CHODL: variants seen among roughly 807,000 people sequenced by gnomAD.
CHODL encodes the protein transmembrane protein MT75.
CHODL carries 29 observed loss-of-function variants against 34.5 expected under a neutral mutation model. That is an observed-to-expected ratio of 0.84 (90% CI 0.63 to 1.15). The LOEUF (loss-of-function observed/expected upper bound fraction) is 1.15, where lower values mean the gene tolerates loss of function less well. Ranked by LOEUF, CHODL falls within the 50% of genes most tolerant of loss-of-function variation. The pLI, the probability that CHODL is intolerant of heterozygous loss-of-function variation, is 0.00. For missense variants in CHODL, 332 were observed against 332.5 expected, an observed-to-expected ratio of 1.00 and a Z score of 0.01; for synonymous variants, 125 against 116.1, an observed-to-expected ratio of 1.08 and a Z score of -0.49.
chr21:17,946,275 C>T (rs1176837703), intron 1 of CHODL, among the ~76,000 whole-genome samples: 4 of 152,072 alleles, frequency 2.6e-5, no homozygotes, highest in Non-Finnish European at 4.4e-5. Context: ...AAAAATTAGC[C>T]AGGTGTGGTG....
chr21:18,151,096 AAAAAAAAAAG>A (rs1482018136), intron 2 of CHODL, among the ~76,000 whole-genome samples: 2 of 149,768 alleles, frequency 1.3e-5, no homozygotes, highest in Middle Eastern at 3.2e-3. Context: ...AAAAAAAAAA[AAAAAAAAAAG>A]AAAGAAATTC....
chr21:18,073,119 A>G (rs2064825214), intron 2 of CHODL, among the ~76,000 whole-genome samples: 1 of 152,102 alleles, frequency 6.6e-6, no homozygotes, highest in South Asian at 2.1e-4. Context: ...TCTCATTTAT[A>G]ATGACTTTAG....
chr21:18,043,197 C>T (rs1460086283), intron 2 of CHODL, among the ~76,000 whole-genome samples: 2 of 152,094 alleles, frequency 1.3e-5, no homozygotes, highest in East Asian at 3.9e-4. Flanking sequence ...AAACTCATTG[C>T]AGGGCTAGCC....
chr21:18,013,694 G>T (rs2064042953), intron 1 of CHODL, among the ~76,000 whole-genome samples: 1 of 132,736 alleles, frequency 7.5e-6, no homozygotes. Context: ...GAGTGCAGTG[G>T]TGTGATCTCG....
chr21:17,991,113 A>G (rs1436144070), intron 1 of CHODL, among the ~76,000 whole-genome samples: 5 of 152,054 alleles, frequency 3.3e-5, no homozygotes. Context: ...AGTTCTATCC[A>G]TGTTGCTACA....
chr21:18,224,314 A>C (rs7276648), intron 2 of CHODL, among the ~76,000 whole-genome samples: 124,991 of 152,114 alleles, frequency 0.82, 51,959 homozygotes, highest in African/African-American at 0.96. Flanking sequence ...GCTGGATGAC[A>C]CACTTTTAAT....
intron 2 of CHODL, among the ~76,000 whole-genome samples, chr21:18,236,193 A>G (rs186145004): frequency 6.6e-6 from 1 of 152,238 alleles, no homozygotes; most frequent in African/African-American, 2.4e-5. Context: ...AGGGCAGCAG[A>G]AAGAGAAGAA....
At chr21:18,199,758 C>T (rs1034075818) in intron 2 of CHODL, among the ~76,000 whole-genome samples, 2 of 152,104 alleles carry the variant, frequency 1.3e-5, no homozygotes, top group Non-Finnish European at 2.9e-5. Context: ...TTAAGTTTCT[C>T]CTACATCTCT....
At chr21:18,184,452 G>T (rs1476163959) in intron 2 of CHODL, among the ~76,000 whole-genome samples, 1 of 152,140 alleles carries the variant, frequency 6.6e-6, no homozygotes, top group Admixed American at 6.5e-5. Flanking sequence ...AGAATTAAAT[G>T]ATGATAGGAA....
chr21:17,951,184 G>C (rs748427205), intron 1 of CHODL, among the ~76,000 whole-genome samples: 2 of 151,358 alleles, frequency 1.3e-5, no homozygotes, highest in Non-Finnish European at 2.9e-5. Context: ...TACTTTGGTG[G>C]GGCCTTAGAA....
chr21:18,135,027 CTA>C (rs1479324399), intron 2 of CHODL, among the ~76,000 whole-genome samples: 1 of 152,184 alleles, frequency 6.6e-6, no homozygotes, highest in African/African-American at 2.4e-5. Flanking sequence ...ACTGATATGA[CTA>C]TGAAAAGTTT....
chr21:18,084,642 T>C (rs1344312627), intron 2 of CHODL, among the ~76,000 whole-genome samples: 3 of 152,208 alleles, frequency 2.0e-5, no homozygotes, highest in African/African-American at 4.8e-5. Flanking sequence ...TTTGATACAA[T>C]TTTGATTTTA....
chr21:18,221,383 AT>A (rs1293304265), intron 2 of CHODL, among the ~76,000 whole-genome samples: 1 of 151,718 alleles, frequency 6.6e-6, no homozygotes, highest in Non-Finnish European at 1.5e-5. Context: ...CATTTTATGG[AT>A]TTCCTTTTCT....
At chr21:18,220,320 C>A (rs1465546304) in intron 2 of CHODL, among the ~76,000 whole-genome samples, 1 of 152,082 alleles carries the variant, frequency 6.6e-6, no homozygotes, top group Non-Finnish European at 1.5e-5. Context: ...AAACTATTTA[C>A]ATTCAAACTT....
chr21:18,016,003 A>T (rs1265722895), intron 1 of CHODL, among the ~76,000 whole-genome samples: 1 of 152,208 alleles, frequency 6.6e-6, no homozygotes, highest in Non-Finnish European at 1.5e-5. Flanking sequence ...AAGTTTGGAA[A>T]ATTTGCAGCC....
intron 2 of CHODL, among the ~76,000 whole-genome samples, chr21:18,132,382 G>A (rs1366761836): frequency 2.0e-5 from 3 of 152,028 alleles, no homozygotes; most frequent in African/African-American, 7.2e-5. Context: ...TCTAGATATG[G>A]GAAAACATAA....
At chr21:18,244,178 A>T (rs1053439633), upstream of CHODL, among the ~76,000 whole-genome samples, 1 of 152,208 alleles carries the variant, frequency 6.6e-6, no homozygotes, top group African/African-American at 2.4e-5. Flanking sequence ...AAATACATAC[A>T]TTTCATTTTA....
At chr21:18,075,077 T>C (rs1375747078) in intron 2 of CHODL, among the ~76,000 whole-genome samples, 1 of 152,196 alleles carries the variant, frequency 6.6e-6, no homozygotes, top group African/African-American at 2.4e-5. Context: ...TTTTTTGATA[T>C]TTGAATTTTT....
intron 2 of CHODL, among the ~76,000 whole-genome samples, chr21:18,045,276 C>A (rs1207399868): frequency 6.6e-6 from 1 of 151,858 alleles, no homozygotes; most frequent in Non-Finnish European, 1.5e-5. Context: ...TATAAACATG[C>A]CCCAGACCTT....
Sources: gnomAD v4.1 joint callset for allele counts (sites outside exome capture counted in the v4.1 genomes callset) on GRCh38, gnomAD v4.1.1 for gene constraint, MANE v1.5 for transcripts, NCBI Gene and HGNC (gene_info 2026-07-23, HGNC 2026-07-21) for gene names.